The following TPO variants were observed in gnomAD, a reference collection of about 807,000 sequenced individuals.
TPO encodes thyroid peroxidase.
A neutral mutation model predicts 96.9 loss-of-function variants in TPO; 78 were observed. The observed-to-expected ratio is 0.81, with a 90% CI of 0.67 to 0.97. The LOEUF is 0.97. Among genes scored for constraint, TPO ranks in the 50% least tolerant of loss-of-function variants. The probability of loss-of-function intolerance (pLI) is 0.00; values close to 1 mark genes in which losing one functional copy is unlikely to be tolerated. For synonymous variants in TPO, 547 were observed against 538.0 expected (o/e 1.02, Z -0.23); for missense variants, 1,252 against 1,274.8 (o/e 0.98, Z 0.27).
chr2:1,490,953 C>T (rs925039964), intron 10 of TPO, among the ~76,000 whole-genome samples: 2 of 152,224 alleles, frequency 1.3e-5, no homozygotes, highest in African/African-American at 2.4e-5. Context: ...GGGCAGATCA[C>T]GAGTTCAGGA....
At position 1,516,943 on chromosome 2, in the gene TPO, G is replaced by C. The variant is rs1674778020; in HGVS notation, c.2579G>C (p.Gly860Ala). 6.2e-7 allele frequency: 1 copy of C among 1,613,900 alleles called. No homozygotes were observed. Among genetic ancestry groups the C allele is most frequent in the Admixed American group, 1.7e-5 (1 of 60,012 alleles). Residue 860 changes from glycine to alanine, a missense_variant, in exon 15 of 17, where the codon GGA becomes GCA. Coordinates refer to ENST00000329066, the MANE Select transcript of TPO (RefSeq NM_001206744.2). ...ISMSLAALLIGGFAGLTSTVI... is the reference protein window; with the variant it reads ...ISMSLAALLIAGFAGLTSTVI... ...ATGTCGCTGGCTGCTCTGCTGATCGGAGGCTTCGCAGGTCTCACCTCGACG... is the reference window on the plus strand; with the variant it reads ...ATGTCGCTGGCTGCTCTGCTGATCGCAGGCTTCGCAGGTCTCACCTCGACG...
intron 14 of TPO, among the ~76,000 whole-genome samples, chr2:1,506,417 T>A (rs1232816716): frequency 1.3e-5 from 2 of 152,184 alleles, no homozygotes; most frequent in African/African-American, 4.8e-5. Flanking sequence ...GATTGCTGGG[T>A]CAAATGGTAT....
intron 3 of TPO, among the ~76,000 whole-genome samples, chr2:1,430,552 G>T (rs1664874563): frequency 6.6e-6 from 1 of 152,200 alleles, no homozygotes; most frequent in Admixed American, 6.5e-5. Context: ...CCATCGCCCT[G>T]CAGACCCCAG....
intron 7 of TPO, among the ~76,000 whole-genome samples, chr2:1,458,677 T>C (rs990677244): frequency 3.3e-5 from 5 of 152,196 alleles, no homozygotes; most frequent in African/African-American, 1.2e-4. Flanking sequence ...TTATCCCATG[T>C]GTACCTGCAC....
At chr2:1,439,064 C>G in intron 5 of TPO, 1 of 520,786 alleles carries the variant, frequency 1.9e-6, no homozygotes, top group Admixed American at 3.2e-5. Context: ...ATGTATTGTG[C>G]CTAAGTTTAC....
intron 2 of TPO, among the ~76,000 whole-genome samples, chr2:1,418,837 AGTTGG>A (rs1663213733): frequency 6.6e-6 from 1 of 152,242 alleles, no homozygotes; most frequent in Non-Finnish European, 1.5e-5. Context: ...TTAAAAGGAA[AGTTGG>A]CAAACCTTAT....
In TPO at chr2:1,487,901, C is replaced by T. The variant is rs1183798967; in HGVS notation, c.1678C>T (p.Leu560=). The T allele has an allele frequency of 9.9e-6, 16 of 1,614,232 alleles. No homozygotes were observed. The highest frequency in any genetic ancestry group is 1.4e-5 in the Non-Finnish European group (16 of 1,180,044). The change falls in exon 10 of 17, where the codon CTG becomes TTG. Residue 560 remains leucine, a synonymous_variant. Transcript: ENST00000329066. ...QVQDQLMNEE[L]TERLFVLSNS... Reference sequence around the variant, plus strand: ...GCAGGATCAGCTGATGAACGAGGAGCTGACGGAAAGGCTCTTTGTGCTGTC... The same window carrying T: ...GCAGGATCAGCTGATGAACGAGGAGTTGACGGAAAGGCTCTTTGTGCTGTC...
At chr2:1,492,333 T>C (rs953356284) in intron 10 of TPO, among the ~76,000 whole-genome samples, 1 of 152,118 alleles carries the variant, frequency 6.6e-6, no homozygotes, top group African/African-American at 2.4e-5. Flanking sequence ...TTTTGTATTT[T>C]TAGTAGAGAT....
intron 14 of TPO, chr2:1,512,469 G>A (rs547236522): frequency 2.1e-5 from 21 of 985,462 alleles, no homozygotes; most frequent in Admixed American, 1.8e-4. Context: ...GCAGCTGTGC[G>A]CTCCGCGCTG....
At chr2:1,379,052 C>G (rs953065041) in intron 1 of TPO, among the ~76,000 whole-genome samples, 1 of 151,986 alleles carries the variant, frequency 6.6e-6, no homozygotes, top group African/African-American at 2.4e-5. Context: ...GAGTGAAGGC[C>G]CCAGAACTCT....
chr2:1,419,127 G>T lies in TPO; in HGVS notation c.95-3918G>T, dbSNP rs527414107. ...ATGAACAATATGAATATGCATAAAG[G>T]AGAATTTGGGGGAACCGTGCCATGC... On this transcript the variant is annotated intron_variant, in intron 2 of 16. Transcript: ENST00000329066. Among the ~76,000 whole-genome samples the T allele has an allele frequency of 5.3e-5, 8 of 152,290 alleles. No homozygotes were observed. The South Asian group carries it at 1.7e-3, about 32-fold the overall frequency.
chr2:1,443,902 G>A (rs574065329), intron 5 of TPO, among the ~76,000 whole-genome samples: 25 of 129,664 alleles, frequency 1.9e-4, no homozygotes, highest in Middle Eastern at 5.2e-3. Flanking sequence ...AGGGAATGGG[G>A]CAGGCGCCTT....
At chr2:1,531,145 GTGTGCAA>G in intron 15 of TPO, among the ~76,000 whole-genome samples, 1 of 37,344 alleles carries the variant, frequency 2.7e-5, no homozygotes, top group African/African-American at 1.3e-4. Context: ...ACCCCCCACT[GTGTGCAA>G]CCTCCCCAAA....
At chr2:1,450,256 G>C (rs570058046) in intron 5 of TPO, among the ~76,000 whole-genome samples, 8 of 152,218 alleles carry the variant, frequency 5.3e-5, no homozygotes, top group Non-Finnish European at 1.2e-4. Flanking sequence ...ATATTGACCT[G>C]TGTCTTGCGG....
intron 14 of TPO, among the ~76,000 whole-genome samples, chr2:1,506,501 C>T (rs1476600311): frequency 2.6e-5 from 4 of 152,302 alleles, no homozygotes; most frequent in African/African-American, 9.6e-5. Context: ...GTCCCACCAA[C>T]AGTGTAAAAG....
At chr2:1,492,619 C>T (rs1671880977) in intron 10 of TPO, among the ~76,000 whole-genome samples, 1 of 152,180 alleles carries the variant, frequency 6.6e-6, no homozygotes, top group Non-Finnish European at 1.5e-5. Context: ...GGCTATTTCT[C>T]CCAGTTCTGT....
Position 1,438,749 on chromosome 2 carries a change from T to C in TPO, c.482+2365T>C, listed in dbSNP as rs941587284. On this transcript the variant is annotated intron_variant, in intron 5 of 16. Transcript: ENST00000329066. ...CACACATGATCTAAATCTTGCTTGA[T>C]TTGCAAACAGAAGAGAAACTTAACT... is the stretch of plus-strand genomic sequence containing the variant. The C allele has an allele frequency of 3.8e-5, 27 of 702,434 alleles. No homozygotes were observed. The African/African-American group carries it at 4.5e-4, about 12-fold the overall frequency. 43.5% of individuals were successfully genotyped at this position (702,434 alleles called of 1,614,324 possible). A position where few individuals can be genotyped will look rare whatever the true frequency, so the allele number is the denominator to read the frequency against.
chr2:1,537,119 C>CTG (rs1679911899), intron 15 of TPO, among the ~76,000 whole-genome samples: 1 of 133,814 alleles, frequency 7.5e-6, no homozygotes. Context: ...CCCTAGATCC[C>CTG]CCCTATGTGC....
chr2:1,394,728 G>T (rs2148363941), intron 1 of TPO, among the ~76,000 whole-genome samples: 1 of 152,310 alleles, frequency 6.6e-6, no homozygotes, highest in African/African-American at 2.4e-5. Context: ...CTGGTCTAAT[G>T]CTCTGCTGTC....
Sources: gnomAD v4.1 joint callset for allele counts (sites outside exome capture counted in the v4.1 genomes callset) on GRCh38, gnomAD v4.1.1 for gene constraint, MANE v1.5 for transcripts, NCBI Gene and HGNC (gene_info 2026-07-23, HGNC 2026-07-21) for gene names.